Variants in OXR1 observed in about 807,000 individuals in gnomAD.
OXR1 encodes the protein oxidation resistance 1, also known as oxidation resistance protein 1.
Under a neutral mutation model 104.6 loss-of-function variants are expected in OXR1, and 41 were observed. The ratio of observed to expected loss-of-function variants is 0.39; its 90% CI spans 0.31 to 0.51. OXR1 has a LOEUF of 0.51. OXR1 is among the 20% of genes least tolerant of loss of function. OXR1 has a pLI of 0.77. For synonymous variants in OXR1, 348 were observed against 348.4 expected, an observed-to-expected ratio of 1.00 and a Z score of 0.01; for missense variants, 955 against 1,031.9, an observed-to-expected ratio of 0.93 and a Z score of 1.02.
intron 8 of OXR1, among the ~76,000 whole-genome samples, chr8:106,705,877 GC>G (rs1158146647): frequency 1.3e-5 from 2 of 152,024 alleles, no homozygotes; most frequent in African/African-American, 2.4e-5. Flanking sequence ...TTGGTTTTAA[GC>G]CTTACATTTG....
At chr8:106,576,157 A>G (rs1346188066) in intron 3 of OXR1, among the ~76,000 whole-genome samples, 1 of 152,074 alleles carries the variant, frequency 6.6e-6, no homozygotes, top group Non-Finnish European at 1.5e-5. Flanking sequence ...ATGTCACAGA[A>G]AAAAATCACT....
chr8:106,459,497 A>ACT (rs1820790530), intron 2 of OXR1, among the ~76,000 whole-genome samples: 1 of 152,150 alleles, frequency 6.6e-6, no homozygotes, highest in Non-Finnish European at 1.5e-5. Flanking sequence ...GCAGACAAAG[A>ACT]CAAGCGCATT....
At chr8:106,339,281 G>C (rs1322583898) in intron 1 of OXR1, among the ~76,000 whole-genome samples, 1 of 151,056 alleles carries the variant, frequency 6.6e-6, no homozygotes, top group South Asian at 2.1e-4. Context: ...AGATCACAAG[G>C]TCAGGAGATA....
At chr8:106,608,593 T>C (rs569880387) in intron 3 of OXR1, among the ~76,000 whole-genome samples, 1 of 152,304 alleles carries the variant, frequency 6.6e-6, no homozygotes, top group East Asian at 1.9e-4. Flanking sequence ...AAATAATTTT[T>C]CTATATGCGA....
At chr8:106,296,081 C>A (rs1812983081) in intron 1 of OXR1, among the ~76,000 whole-genome samples, 2 of 152,198 alleles carry the variant, frequency 1.3e-5, no homozygotes, top group Admixed American at 1.3e-4. Flanking sequence ...AAGATCCCAA[C>A]TATCTCAGCA....
intron 3 of OXR1, among the ~76,000 whole-genome samples, chr8:106,590,880 C>A (rs977033126): frequency 2.3e-4 from 35 of 152,128 alleles, no homozygotes; most frequent in African/African-American, 8.2e-4. Flanking sequence ...ACCCCGATAG[C>A]CAGGTGTGCC....
At chr8:106,726,767 A>G (rs1265355657) in intron 11 of OXR1, among the ~76,000 whole-genome samples, 2 of 152,174 alleles carry the variant, frequency 1.3e-5, no homozygotes, top group Non-Finnish European at 2.9e-5. Flanking sequence ...AAGCTGTTCA[A>G]AAAGTTTTCA....
At chr8:106,483,398 A>C (rs774438371) in intron 2 of OXR1, among the ~76,000 whole-genome samples, 3 of 151,864 alleles carry the variant, frequency 2.0e-5, no homozygotes, top group African/African-American at 7.3e-5. Context: ...TAATGTAGCC[A>C]TTAAAACCAT....
At chr8:106,324,904 T>C (rs1814401040) in intron 1 of OXR1, among the ~76,000 whole-genome samples, 1 of 152,206 alleles carries the variant, frequency 6.6e-6, no homozygotes, top group Non-Finnish European at 1.5e-5. Flanking sequence ...GTGTATTGTG[T>C]TGAAATAAAA....
chr8:106,647,696 T>C (rs1359377609), intron 3 of OXR1, among the ~76,000 whole-genome samples: 1 of 152,220 alleles, frequency 6.6e-6, no homozygotes. Flanking sequence ...TGGCTTATCA[T>C]ATCAGAAATT....
chr8:106,350,435 T>C lies in OXR1; in HGVS notation c.-138-9041T>C, dbSNP rs544583219. ...TGTAATTTGAACATAAGGATATTTC[T>C]GAAGGGGGTGCTTAGGCTAATCACA... On this transcript the variant is annotated intron_variant, in intron 1 of 16. Coordinates refer to ENST00000517566, the MANE Select transcript of OXR1 (RefSeq NM_001198533.2). 5.5e-4 allele frequency among the ~76,000 whole-genome samples: 84 copies of C among 152,308 alleles called. 1 individual carries two copies. In the South Asian group the frequency reaches 0.016, roughly 30 times the overall value.
intron 3 of OXR1, among the ~76,000 whole-genome samples, chr8:106,634,836 C>CAA (rs565594701): frequency 9.8e-5 from 12 of 121,868 alleles, no homozygotes; most frequent in South Asian, 5.3e-4. Flanking sequence ...TCTTGGCATG[C>CAA]AAAAAAAAAA....
chr8:106,749,675 A>G (rs1003620105), intron 16 of OXR1, among the ~76,000 whole-genome samples: 1 of 152,108 alleles, frequency 6.6e-6, no homozygotes, highest in African/African-American at 2.4e-5. Context: ...TCCGCCTCCT[A>G]AACTCTGGCT....
At chr8:106,626,922 T>G (rs1246266368) in intron 3 of OXR1, among the ~76,000 whole-genome samples, 1 of 151,970 alleles carries the variant, frequency 6.6e-6, no homozygotes, top group Non-Finnish European at 1.5e-5. Context: ...TTTCTTATAT[T>G]ATTTAAAATA....
chr8:106,320,179 T>G (rs1814155503), intron 1 of OXR1, among the ~76,000 whole-genome samples: 1 of 152,182 alleles, frequency 6.6e-6, no homozygotes, highest in Admixed American at 6.5e-5. Flanking sequence ...CTGAATGAAG[T>G]TTAGCCCCTC....
chr8:106,304,936 G>A (rs1233324756), intron 1 of OXR1, among the ~76,000 whole-genome samples: 1 of 152,044 alleles, frequency 6.6e-6, no homozygotes, highest in African/African-American at 2.4e-5. Flanking sequence ...AAGTCCACAT[G>A]CCTAGTTTAA....
At chr8:106,473,096 A>T (rs542407694) in intron 2 of OXR1, among the ~76,000 whole-genome samples, 1 of 152,022 alleles carries the variant, frequency 6.6e-6, no homozygotes, top group Non-Finnish European at 1.5e-5. Flanking sequence ...AAATTTGTTT[A>T]CACTATTTGG....
chr8:106,395,483 T>G (rs1817740118), intron 2 of OXR1, among the ~76,000 whole-genome samples: 1 of 152,090 alleles, frequency 6.6e-6, no homozygotes, highest in Admixed American at 6.6e-5. Flanking sequence ...GATAAACCCA[T>G]TAGATCTCAT....
Position 106,519,077 on chromosome 8 carries a change from A to G in OXR1, c.158A>G (p.Asn53Ser), listed in dbSNP as rs376676548. 8 of 1,552,072 alleles carry G rather than the reference A, an allele frequency of 5.2e-6. No individual in the cohort carries two copies. The highest frequency in any genetic ancestry group is 7.0e-6 in the Non-Finnish European group (8 of 1,147,058). Residue 53 changes from asparagine to serine, a missense_variant, in exon 3 of 17, where the codon AAT becomes AGT. Asn to Ser is a conservative substitution (Grantham distance 46). Coordinates refer to ENST00000517566, the MANE Select transcript of OXR1 (RefSeq NM_001198533.2). ...CCCATCATTGAAGAAGAGCAGAACA[A>G]TGCAGCAAATACTCAGAAACATCCT... Reference protein sequence around the residue: ...KTPIIEEEQNNAANTQKHPSR... With the variant: ...KTPIIEEEQNSAANTQKHPSR...
Sources: allele counts gnomAD v4.1 joint callset (sites outside exome capture counted in the v4.1 genomes callset), GRCh38; gene constraint gnomAD v4.1.1; transcripts MANE v1.5; gene names NCBI Gene and HGNC (gene_info 2026-07-23, HGNC 2026-07-21).